The following GABRG2 variants were observed in gnomAD, a reference collection of about 807,000 sequenced individuals.
The protein encoded by GABRG2 is gamma-aminobutyric acid type A receptor subunit gamma2, also known as gamma-aminobutyric acid receptor subunit gamma-2.
In GABRG2, 16 loss-of-function variants were observed where a neutral mutation model predicts 56.4. That is an observed-to-expected ratio of 0.28 (90% CI 0.19 to 0.43). The LOEUF is 0.43. GABRG2 is among the 20% of genes least tolerant of loss of function. The pLI, the probability that GABRG2 is intolerant of heterozygous loss-of-function variation, is 1.00. For missense variants in GABRG2, 327 were observed against 582.7 expected, an observed-to-expected ratio of 0.56 and a Z score of 4.52; for synonymous variants, 208 against 205.5, an observed-to-expected ratio of 1.01 and a Z score of -0.10.
At position 162,082,860 on chromosome 5, in the gene GABRG2, C is replaced by G. The variant is rs551698189; in HGVS notation, c.108-10968C>G. 2.6e-5 allele frequency among the ~76,000 whole-genome samples: 4 copies of G among 151,502 alleles called. No individual in the cohort carries two copies. In the East Asian group the frequency reaches 7.7e-4, roughly 29 times the overall value. Reference sequence around the variant, plus strand: ...TTAACTTTTAAAGCGAACAATAAAACCTTGATTTTGAGAAAATATTTTATC... The same window carrying G: ...TTAACTTTTAAAGCGAACAATAAAAGCTTGATTTTGAGAAAATATTTTATC... On this transcript the variant is annotated intron_variant, in intron 1 of 9. Transcript: ENST00000639213.
intron 6 of GABRG2, among the ~76,000 whole-genome samples, chr5:162,131,316 T>C (rs879298382): frequency 1.3e-5 from 2 of 152,066 alleles, no homozygotes; most frequent in Non-Finnish European, 2.9e-5. Flanking sequence ...GAAGCACATA[T>C]GTGCTAATGT....
chr5:162,083,469 T>G (rs1759819086), intron 1 of GABRG2: 4 of 163,496 alleles, frequency 2.4e-5, no homozygotes, highest in Admixed American at 1.9e-4. Context: ...ATCAAAAGTT[T>G]TATCGGTTCC....
intron 6 of GABRG2, among the ~76,000 whole-genome samples, chr5:162,135,527 G>A (rs1764060312): frequency 6.6e-6 from 1 of 152,130 alleles, no homozygotes; most frequent in Non-Finnish European, 1.5e-5. Context: ...AAAATAGCTA[G>A]AGCTACATCC....
intron 4 of GABRG2, 60 bp downstream of exon 4, chr5:162,097,918 T>G (rs1761117836): frequency 7.1e-7 from 1 of 1,410,822 alleles, no homozygotes; most frequent in South Asian, 1.2e-5. Flanking sequence ...AACACAAAAA[T>G]CAACCTTAAG....
chr5:162,138,321 C>T (rs1233811038), intron 6 of GABRG2, among the ~76,000 whole-genome samples: 1 of 152,094 alleles, frequency 6.6e-6, no homozygotes, highest in Non-Finnish European at 1.5e-5. Context: ...AAAACTCAAT[C>T]AACTGTCCTG....
chr5:162,135,582 T>G (rs1318528661), intron 6 of GABRG2, among the ~76,000 whole-genome samples: 1 of 152,218 alleles, frequency 6.6e-6, no homozygotes, highest in Non-Finnish European at 1.5e-5. Context: ...TATAATCCAG[T>G]ATTCACCATC....
At chr5:162,135,774 A>G (rs1764076987) in intron 6 of GABRG2, among the ~76,000 whole-genome samples, 1 of 152,192 alleles carries the variant, frequency 6.6e-6, no homozygotes, top group South Asian at 2.1e-4. Context: ...CAGGTGAAAG[A>G]ACCCTGTGGG....
intron 8 of GABRG2, chr5:162,149,966 C>T (rs1024298362): frequency 9.6e-6 from 2 of 208,062 alleles, no homozygotes; most frequent in Admixed American, 5.2e-5. Context: ...CCATCTCAGG[C>T]ATTCCACTAG....
intron 6 of GABRG2, among the ~76,000 whole-genome samples, chr5:162,132,419 T>C (rs1763823599): frequency 6.6e-6 from 1 of 152,026 alleles, no homozygotes. Flanking sequence ...ATAGAATTTC[T>C]ACTCATTTTC....
At chr5:162,126,118 C>T (rs1202234346) in intron 6 of GABRG2, among the ~76,000 whole-genome samples, 2 of 151,730 alleles carry the variant, frequency 1.3e-5, no homozygotes, top group African/African-American at 2.4e-5. Flanking sequence ...AGAATTAATA[C>T]GAAAGATGTG....
intron 6 of GABRG2, among the ~76,000 whole-genome samples, chr5:162,124,957 G>GGT (rs1763225170): frequency 1.7e-5 from 2 of 120,446 alleles, no homozygotes; most frequent in Admixed American, 1.6e-4. Flanking sequence ...GGTATAAAGA[G>GGT]ATGTGTGTGT....
At chr5:162,102,438 C>T (rs1315110910) in intron 5 of GABRG2, 1 of 447,124 alleles carries the variant, frequency 2.2e-6, no homozygotes, top group Non-Finnish European at 4.5e-6. Flanking sequence ...TGAACCCAAA[C>T]ACAATTTAAT....
At chr5:162,109,420 A>ATTTATTTATTTATT (rs1554098576) in intron 6 of GABRG2, among the ~76,000 whole-genome samples, 229 of 116,078 alleles carry the variant, frequency 2.0e-3, no homozygotes, top group African/African-American at 2.4e-3. Flanking sequence ...ATATATATAT[A>ATTTATTTATTTATT]TATTTATTTA....
At chr5:162,069,446 T>C (rs895745586) in intron 1 of GABRG2, among the ~76,000 whole-genome samples, 3 of 152,170 alleles carry the variant, frequency 2.0e-5, no homozygotes, top group Admixed American at 6.5e-5. Context: ...CTGAAAAGGA[T>C]GGAGGTTAAA....
chr5:162,093,828 C>T lies in GABRG2; in HGVS notation c.108C>T (p.Gly36=), dbSNP rs1760795212. Residue 36 remains glycine, a splice_region_variant and synonymous_variant, in exon 2 of 10, where the codon GGC becomes GGT. Coordinates refer to ENST00000639213, the MANE Select transcript of GABRG2 (RefSeq NM_198904.4). ...WILLLLSLYP[G]FTSQKSDDDY... is the part of the protein sequence containing the mutation. ...TTTTGACCAATATGTTTTTTCTTAG[C>T]TTCACTAGCCAGAAATCTGATGATG... 1 of 1,612,598 alleles carries T rather than the reference C, an allele frequency of 6.2e-7. No individual in the cohort carries two copies. Among genetic ancestry groups the T allele is most frequent in the African/African-American group, 1.3e-5 (1 of 74,834 alleles).
At chr5:162,143,929 T>C (rs1764769496) in intron 7 of GABRG2, among the ~76,000 whole-genome samples, 1 of 152,228 alleles carries the variant, frequency 6.6e-6, no homozygotes, top group South Asian at 2.1e-4. Flanking sequence ...TGCATATCTG[T>C]CCTCTTCCAA....
Position 162,127,276 on chromosome 5 carries a change from T to C in GABRG2, c.770-14888T>C, listed in dbSNP as rs74975399. On this transcript the variant is annotated intron_variant, in intron 6 of 9. Transcript: ENST00000639213. ...TGAAAATCATCTTTTCACTAGTGCC[T>C]GTACTTTAGATATTTGTGGCTAATG... Among the ~76,000 whole-genome samples, 865 of 152,104 alleles carry C rather than the reference T, an allele frequency of 5.7e-3. 12 individuals are homozygous for C. The highest frequency in any genetic ancestry group is 0.02 in the African/African-American group (820 of 41,540).
rs1162023705 is a variant in GABRG2 at position 162,132,613 on chromosome 5, CAGA to C, written c.770-9549_770-9547del. Among the ~76,000 whole-genome samples, 4 of 151,994 alleles carry C rather than the reference CAGA, an allele frequency of 2.6e-5. No homozygotes were observed. In the East Asian group the frequency reaches 7.7e-4, roughly 29 times the overall value. On this transcript the variant is annotated intron_variant, in intron 6 of 9. Coordinates refer to ENST00000639213, the MANE Select transcript of GABRG2 (RefSeq NM_198904.4). The stretch of plus-strand genomic sequence containing the variant: ...AGAAGTAAATGACTGCAACATTTCT[CAGA>C]ATTTATCAGGTCTTCACTGACACCT...
chr5:162,129,368 A>G (rs768362311), intron 6 of GABRG2: 2 of 152,012 alleles, frequency 1.3e-5, no homozygotes, highest in East Asian at 3.9e-4. Context: ...CACTAAGGGT[A>G]TCTTTCTTAA....
Sources: gnomAD v4.1 joint callset for allele counts (sites outside exome capture counted in the v4.1 genomes callset) on GRCh38, gnomAD v4.1.1 for gene constraint, MANE v1.5 for transcripts, NCBI Gene and HGNC (gene_info 2026-07-23, HGNC 2026-07-21) for gene names.